OTULIN: variants seen among roughly 807,000 people sequenced by gnomAD.
The protein encoded by OTULIN is OTU deubiquitinase with linear linkage specificity.
In OTULIN, 15 loss-of-function variants were observed where a neutral mutation model predicts 39.6. The ratio of observed to expected loss-of-function variants is 0.38; its 90% CI spans 0.25 to 0.58. OTULIN has a LOEUF of 0.58. OTULIN is among the 20% of genes least tolerant of loss of function. OTULIN has a pLI of 0.66. For missense variants in OTULIN, 319 were observed against 445.9 expected (o/e 0.72, Z 2.56); for synonymous variants, 156 against 170.3 (o/e 0.92, Z 0.65).
chr5:14,686,523 C>A (rs1736392263), intron 4 of OTULIN, among the ~76,000 whole-genome samples: 1 of 152,024 alleles, frequency 6.6e-6, no homozygotes, highest in Admixed American at 6.5e-5. Context: ...CCTGTACTGG[C>A]AGAACTGTAT....
At chr5:14,710,369 T>G in the OTULIN span, 1 of 152,208 alleles carries the variant, frequency 6.6e-6, no homozygotes. Flanking sequence ...TCAGGAAAAG[T>G]CATGCGGCAG....
chr5:14,703,324 C>CAAAAAAAAAAA (rs59779015), downstream of OTULIN, among the ~76,000 whole-genome samples: 1 of 122,120 alleles, frequency 8.2e-6, no homozygotes, highest in Non-Finnish European at 1.7e-5. Flanking sequence ...TTAATAGTGT[C>CAAAAAAAAAAA]AAAAAAAAAA....
At chr5:14,675,458 G>A (rs772609397) in intron 2 of OTULIN, among the ~76,000 whole-genome samples, 28 of 152,208 alleles carry the variant, frequency 1.8e-4, no homozygotes, top group Non-Finnish European at 2.6e-4. Context: ...GGGCCGCACC[G>A]TTCCAGTCTT....
At chr5:14,711,350 G>T in the OTULIN span, 1 of 1,556,426 alleles carries the variant, frequency 6.4e-7, no homozygotes, top group Non-Finnish European at 8.9e-7. Context: ...GCTGTGGATG[G>T]GGACACTGCA....
intron 5 of OTULIN, 122 bp downstream of exon 5, chr5:14,687,768 A>G: frequency 8.3e-7 from 1 of 1,198,416 alleles, no homozygotes; most frequent in Non-Finnish European, 1.1e-6. Context: ...TTTTTAGGCA[A>G]AATGGTTTTA....
intron 1 of OTULIN, among the ~76,000 whole-genome samples, chr5:14,670,639 C>G (rs1560991445): frequency 6.6e-6 from 1 of 152,172 alleles, no homozygotes; most frequent in African/African-American, 2.4e-5. Flanking sequence ...GGGTCTCACT[C>G]TATTGCCTGG....
At chr5:14,712,706 AC>A in the OTULIN span, among the ~76,000 whole-genome samples, 1 of 151,318 alleles carries the variant, frequency 6.6e-6, no homozygotes, top group Non-Finnish European at 1.5e-5. Flanking sequence ...CTTTTTTCTT[AC>A]CCCACTCCCA....
chr5:14,673,571 C>A, intron 1 of OTULIN, 71 bp from the exon 2 acceptor site: 1 of 1,329,030 alleles, frequency 7.5e-7, no homozygotes, highest in South Asian at 1.3e-5. Flanking sequence ...CATTTGTAAG[C>A]AGCTGTATAA....
intron 4 of OTULIN, among the ~76,000 whole-genome samples, chr5:14,682,606 A>G (rs1467143683): frequency 6.6e-6 from 1 of 152,232 alleles, no homozygotes; most frequent in Non-Finnish European, 1.5e-5. Flanking sequence ...CCTTATAGCA[A>G]TTTATGAAAA....
chr5:14,674,913 G>T (rs10475020), intron 2 of OTULIN, among the ~76,000 whole-genome samples: 102 of 152,226 alleles, frequency 6.7e-4, no homozygotes, highest in African/African-American at 2.3e-3. Context: ...AGTCTTTTTT[G>T]CATTATTAGC....
downstream of OTULIN, among the ~76,000 whole-genome samples, chr5:14,701,261 C>G (rs1736790641): frequency 6.6e-6 from 1 of 152,242 alleles, no homozygotes; most frequent in South Asian, 2.1e-4. Context: ...TCCTTTGCAG[C>G]TCGTAGGAAG....
At chr5:14,711,202 C>T in the OTULIN span, 9 of 1,613,922 alleles carry the variant, frequency 5.6e-6, no homozygotes, top group East Asian at 1.6e-4. Flanking sequence ...GTGCCTTATT[C>T]ATTCTCCTCT....
the OTULIN span, among the ~76,000 whole-genome samples, chr5:14,715,171 G>T: frequency 5.9e-5 from 9 of 152,030 alleles, no homozygotes; most frequent in Non-Finnish European, 1.2e-4. Context: ...CACTCTTATT[G>T]CAGAGGCTGG....
the OTULIN span, among the ~76,000 whole-genome samples, chr5:14,715,035 C>T: frequency 6.6e-6 from 1 of 152,254 alleles, no homozygotes; most frequent in Non-Finnish European, 1.5e-5. Flanking sequence ...CCAGCCATTT[C>T]TCCATTTCTG....
intron 5 of OTULIN, among the ~76,000 whole-genome samples, chr5:14,689,345 A>G (rs1235985824): frequency 1.3e-5 from 2 of 152,204 alleles, no homozygotes; most frequent in Non-Finnish European, 2.9e-5. Flanking sequence ...GAGGGGCACT[A>G]GTTATTGTTG....
In OTULIN at chr5:14,693,565, G is replaced by A. The variant is rs1166444005; in HGVS notation, c.*517G>A. ...GGGCTTCTAACAGTCTGCTTTAAGT[G>A]GTATAATTCTGGGATAGATCTGTTA... On this transcript the variant is annotated 3_prime_UTR_variant, in exon 7 of 7. Transcript: ENST00000284274. 1 of 152,350 alleles carries A rather than the reference G, an allele frequency of 6.6e-6. No homozygotes were observed. The highest frequency in any genetic ancestry group is 1.5e-5 in the Non-Finnish European group (1 of 68,196). The allele number at this position is 152,350 out of a possible 1,614,324, so 9.4% of individuals were successfully genotyped here. A position where few individuals can be genotyped will look rare whatever the true frequency, so the allele number is the denominator to read the frequency against.
At chr5:14,678,060 G>A (rs1336948067) in intron 2 of OTULIN, among the ~76,000 whole-genome samples, 1 of 152,160 alleles carries the variant, frequency 6.6e-6, no homozygotes, top group African/African-American at 2.4e-5. Context: ...GGGGGGTGGT[G>A]GGTGAGTGGT....
At position 14,664,750 on chromosome 5, in the gene OTULIN, C is replaced by A. The variant is rs529481495; in HGVS notation, c.-76C>A. On this transcript the variant is annotated 5_prime_UTR_variant, in exon 1 of 7. Coordinates refer to ENST00000284274, the MANE Select transcript of OTULIN (RefSeq NM_138348.6). ...GCCCCGGCGGCTGAGAGGCTGCGGC[C>A]ACTGCCTGGCACCCCGACGGGAGGG... is the stretch of plus-strand genomic sequence containing the variant. The A allele has an allele frequency of 5.5e-6, 6 of 1,089,702 alleles. No individual in the cohort carries two copies. The highest frequency in any genetic ancestry group is 4.4e-5 in the South Asian group (1 of 22,708). The allele number at this position is 1,089,702 out of a possible 1,614,324, so 67.5% of individuals were successfully genotyped here.
At chr5:14,708,224 CCTTA>C in the OTULIN span, 1 of 152,196 alleles carries the variant, frequency 6.6e-6, no homozygotes, top group African/African-American at 2.4e-5. Flanking sequence ...TCTAGAAAAC[CCTTA>C]CTATTTCCTA....
Sources: gnomAD v4.1 joint callset for allele counts (sites outside exome capture counted in the v4.1 genomes callset) on GRCh38, gnomAD v4.1.1 for gene constraint, MANE v1.5 for transcripts, NCBI Gene and HGNC (gene_info 2026-07-23, HGNC 2026-07-21) for gene names.